The following GRM5 variants were observed in gnomAD, a reference collection of about 807,000 sequenced individuals.
GRM5 encodes the protein glutamate metabotropic receptor 5.
A neutral mutation model predicts 83.1 loss-of-function variants in GRM5; 19 were observed. The observed-to-expected ratio is 0.23, with a 90% CI of 0.16 to 0.34. The LOEUF (loss-of-function observed/expected upper bound fraction) is 0.34, where lower values mean the gene tolerates loss of function less well. Among genes scored for constraint, GRM5 ranks in the 10% least tolerant of loss-of-function variants. GRM5 has a pLI of 1.00. For missense variants in GRM5, 1,160 were observed against 1,588.3 expected (o/e 0.73, Z 4.58); for synonymous variants, 675 against 633.6 (o/e 1.07, Z -0.98).
intron 2 of GRM5, among the ~76,000 whole-genome samples, chr11:89,003,656 C>T (rs989478032): frequency 4.0e-5 from 6 of 151,004 alleles, no homozygotes; most frequent in South Asian, 4.2e-4. Flanking sequence ...GCTAAGACCC[C>T]GTCTTTGAAC....
intron 2 of GRM5, among the ~76,000 whole-genome samples, chr11:88,878,122 G>T (rs541776388): frequency 9.5e-4 from 145 of 152,168 alleles, no homozygotes; most frequent in African/African-American, 3.4e-3. Context: ...TCTACACAAG[G>T]TTTATTTATT....
intron 8 of GRM5, among the ~76,000 whole-genome samples, chr11:88,551,704 A>G (rs1029925222): frequency 2.6e-5 from 4 of 152,172 alleles, no homozygotes; most frequent in Non-Finnish European, 4.4e-5. Context: ...TTCCCTCTCC[A>G]CACTTCAGTG....
chr11:88,999,033 A>G (rs1222567060), intron 2 of GRM5, among the ~76,000 whole-genome samples: 11 of 152,208 alleles, frequency 7.2e-5, no homozygotes, highest in Non-Finnish European at 1.5e-4. Context: ...CTGGCTAGCC[A>G]TATGTAGAAA....
At chr11:88,723,439 A>G (rs997255352) in intron 3 of GRM5, among the ~76,000 whole-genome samples, 4 of 152,118 alleles carry the variant, frequency 2.6e-5, no homozygotes, top group Non-Finnish European at 5.9e-5. Flanking sequence ...ATGTTTTGTT[A>G]TGTAGGAAAC....
rs555732409 is a variant in GRM5, at chr11:88,956,555, C to T, written c.661+90657G>A. On this transcript the variant is annotated intron_variant, in intron 2 of 9. Coordinates refer to ENST00000305447, the MANE Select transcript of GRM5 (RefSeq NM_001143831.3). ...GGCGCGGTGGCTCACGCCTGTAAAC[C>T]CAGCACTTTCGGCGGCCGAGGCGGG... is the stretch of plus-strand genomic sequence containing the variant. Among the ~76,000 whole-genome samples the T allele has an allele frequency of 5.8e-3, 878 of 152,252 alleles. 4 individuals are homozygous for T. The highest frequency in any genetic ancestry group is 8.8e-3 in the Non-Finnish European group (597 of 68,014).
chr11:88,803,789 G>A (rs1943445502), intron 3 of GRM5, among the ~76,000 whole-genome samples: 1 of 152,044 alleles, frequency 6.6e-6, no homozygotes, highest in Non-Finnish European at 1.5e-5. Flanking sequence ...CTACTCATCT[G>A]ACAAAGGGCT....
At chr11:89,024,460 TGAA>T (rs980294527) in intron 2 of GRM5, among the ~76,000 whole-genome samples, 1 of 152,216 alleles carries the variant, frequency 6.6e-6, no homozygotes, top group African/African-American at 2.4e-5. Flanking sequence ...ACCAAATTAA[TGAA>T]GAAGTTTATT....
At chr11:88,802,799 C>G (rs1050297072) in intron 3 of GRM5, among the ~76,000 whole-genome samples, 1 of 150,420 alleles carries the variant, frequency 6.6e-6, no homozygotes, top group African/African-American at 2.5e-5. Context: ...TCATCTCAGC[C>G]CAAAATCTCC....
At chr11:88,733,622 T>A (rs549266832) in intron 3 of GRM5, among the ~76,000 whole-genome samples, 1 of 152,126 alleles carries the variant, frequency 6.6e-6, no homozygotes, top group South Asian at 2.1e-4. Context: ...TTTAGACACA[T>A]TAACAAGTGA....
chr11:88,660,336 CTTAA>C (rs1216651436), intron 3 of GRM5, among the ~76,000 whole-genome samples: 1 of 152,110 alleles, frequency 6.6e-6, no homozygotes, highest in Non-Finnish European at 1.5e-5. Context: ...TTTCCAAGTT[CTTAA>C]TTCTTACATT....
intron 7 of GRM5, among the ~76,000 whole-genome samples, chr11:88,569,952 G>A (rs553142963): frequency 7.9e-5 from 12 of 152,216 alleles, no homozygotes; most frequent in African/African-American, 2.9e-4. Context: ...AGTAATGACA[G>A]CAAGGAAGCA....
intron 8 of GRM5, among the ~76,000 whole-genome samples, chr11:88,552,212 C>A (rs146955660): frequency 6.6e-6 from 1 of 151,796 alleles, no homozygotes; most frequent in African/African-American, 2.4e-5. Flanking sequence ...TTTTTTGTAG[C>A]GATGGGGTCT....
chr11:88,564,547 A>G (rs1346833081), intron 8 of GRM5, among the ~76,000 whole-genome samples: 6 of 152,336 alleles, frequency 3.9e-5, no homozygotes, highest in Middle Eastern at 3.4e-3. Context: ...TCTGTAATAC[A>G]GGGCACTGTT....
chr11:89,044,577 G>A (rs184459857), intron 2 of GRM5, among the ~76,000 whole-genome samples: 272 of 152,252 alleles, frequency 1.8e-3, no homozygotes, highest in Non-Finnish European at 3.3e-3. Context: ...GAGAAAAAAT[G>A]TTTTTTGAAA....
chr11:88,965,898 G>A (rs1379703903), intron 2 of GRM5, among the ~76,000 whole-genome samples: 1 of 152,100 alleles, frequency 6.6e-6, no homozygotes, highest in African/African-American at 2.4e-5. Context: ...GCTACTACTT[G>A]ATCTAAGTGA....
chr11:88,551,044 T>C (rs544305160), intron 8 of GRM5, among the ~76,000 whole-genome samples: 12 of 151,964 alleles, frequency 7.9e-5, no homozygotes, highest in African/African-American at 2.2e-4. Context: ...TGAATATCTA[T>C]GTGGTATTGA....
Position 88,649,662 on chromosome 11 carries a change from G to A in GRM5, c.1147+3506C>T, listed in dbSNP as rs1325067698. On this transcript the variant is annotated intron_variant, in intron 4 of 9. Transcript: ENST00000305447. Reference sequence around the variant, plus strand: ...TTTTTAAGAAAAAAATAAGAATGAAGCAAGCAAACAAAAGAAAACCTGCCA... The same window carrying A: ...TTTTTAAGAAAAAAATAAGAATGAAACAAGCAAACAAAAGAAAACCTGCCA... Among the ~76,000 whole-genome samples, 3 of 151,026 alleles carry A rather than the reference G, an allele frequency of 2.0e-5. No individual in the cohort carries two copies. The Admixed American group carries it at 2.0e-4, about 10-fold the overall frequency.
intron 2 of GRM5, among the ~76,000 whole-genome samples, chr11:88,949,543 C>T (rs1366501961): frequency 6.6e-6 from 1 of 152,048 alleles, no homozygotes; most frequent in East Asian, 1.9e-4. Context: ...AAGTAATTGA[C>T]CAGATTAATG....
intron 3 of GRM5, among the ~76,000 whole-genome samples, chr11:88,818,961 G>T (rs1312604723): frequency 6.6e-6 from 1 of 152,156 alleles, no homozygotes; most frequent in African/African-American, 2.4e-5. Context: ...CAACTTTCTA[G>T]AATATGTCCA....
Sources: gnomAD v4.1 joint callset for allele counts (sites outside exome capture counted in the v4.1 genomes callset) on GRCh38, gnomAD v4.1.1 for gene constraint, MANE v1.5 for transcripts, NCBI Gene and HGNC (gene_info 2026-07-23, HGNC 2026-07-21) for gene names.